The following AKAP13 variants were observed in gnomAD, a reference collection of about 807,000 sequenced individuals.
AKAP13 encodes the protein A-kinase anchor protein 13.
AKAP13 carries 80 observed loss-of-function variants against 264.5 expected under a neutral mutation model. The observed-to-expected ratio is 0.30, with a 90% CI of 0.25 to 0.36. AKAP13 has a LOEUF of 0.36. Ranked by LOEUF, AKAP13 falls within the 10% of genes least tolerant of loss-of-function variation. The pLI is 1.00. For missense variants in AKAP13, 3,712 were observed against 3,435.2 expected (o/e 1.08, Z -2.01); for synonymous variants, 1,380 against 1,250.2 (o/e 1.10, Z -2.19).
chr15:85,563,005 C>T (rs959911731), intron 5 of AKAP13, among the ~76,000 whole-genome samples: 4 of 151,868 alleles, frequency 2.6e-5, no homozygotes, highest in Non-Finnish European at 4.4e-5. Flanking sequence ...TGAGCCACTG[C>T]ACCTGGCCCC....
rs2076822203 is a variant in AKAP13, at chr15:85,521,524, T to C, written c.130T>C (p.Cys44Arg). The change falls in exon 3 of 37, where the codon TGT (cysteine) becomes CGT (arginine). Residue 44 changes from cysteine (C) to arginine (R), a missense_variant. By Grantham distance (180) the Cys-to-Arg change is radical. Coordinates refer to ENST00000394518, the MANE Select transcript of AKAP13 (RefSeq NM_007200.5). ...LVFLGSTLRH[C>R]TSTRKVSSDT... The stretch of plus-strand genomic sequence containing the variant: ...ATTTTTGGGTTCCACCCTCCGTCAC[T>C]GTACAAGTACTCGGAAGGTCAGTTC... 1.2e-6 allele frequency: 2 copies of C among 1,614,244 alleles called. No individual in the cohort carries two copies. Among genetic ancestry groups the C allele is most frequent in the Non-Finnish European group, 1.7e-6 (2 of 1,180,036 alleles).
intron 1 of AKAP13, among the ~76,000 whole-genome samples, chr15:85,430,616 G>A (rs1312780752): frequency 6.6e-6 from 1 of 152,308 alleles, no homozygotes; most frequent in East Asian, 1.9e-4. Flanking sequence ...TGTGGTTGGA[G>A]TGATACTGTG....
chr15:85,737,726 G>A (rs1395457456), intron 33 of AKAP13, among the ~76,000 whole-genome samples: 3 of 151,962 alleles, frequency 2.0e-5, no homozygotes, highest in African/African-American at 7.3e-5. Context: ...CAGCTTCCAC[G>A]TCCCAGGTTC....
chr15:85,465,748 A>G (rs1406149571), intron 1 of AKAP13, among the ~76,000 whole-genome samples: 2 of 150,854 alleles, frequency 1.3e-5, no homozygotes, highest in East Asian at 1.9e-4. Flanking sequence ...AATCCAGTCT[A>G]TCATTGTTGG....
At chr15:85,532,602 G>A (rs1435857697) in intron 3 of AKAP13, among the ~76,000 whole-genome samples, 1 of 152,216 alleles carries the variant, frequency 6.6e-6, no homozygotes, top group South Asian at 2.1e-4. Context: ...GCATAGTTCT[G>A]GCTATTTGAG....
At chr15:85,398,074 G>GACA (rs1049603495) in intron 1 of AKAP13, among the ~76,000 whole-genome samples, 3 of 152,152 alleles carry the variant, frequency 2.0e-5, no homozygotes, top group African/African-American at 7.2e-5. Flanking sequence ...GTTCATACTT[G>GACA]AACATGGATC....
chr15:85,594,531 T>C (rs370825491), intron 8 of AKAP13, among the ~76,000 whole-genome samples: 2 of 152,238 alleles, frequency 1.3e-5, no homozygotes, highest in Non-Finnish European at 2.9e-5. Context: ...ATCAGAAATA[T>C]AGGCTTGGGC....
chr15:85,716,916 G>T (rs1021042945), intron 20 of AKAP13, among the ~76,000 whole-genome samples: 1 of 152,218 alleles, frequency 6.6e-6, no homozygotes, highest in African/African-American at 2.4e-5. Context: ...ATAGTTGATT[G>T]TAAGTGCTAG....
At chr15:85,428,320 C>T (rs375578659) in intron 1 of AKAP13, among the ~76,000 whole-genome samples, 1 of 152,338 alleles carries the variant, frequency 6.6e-6, no homozygotes, top group East Asian at 1.9e-4. Context: ...CTGCCTCAGC[C>T]TCCCAAGCAG....
chr15:85,697,523 C>T (rs567417000), intron 17 of AKAP13, among the ~76,000 whole-genome samples: 40 of 152,010 alleles, frequency 2.6e-4, no homozygotes, highest in Non-Finnish European at 5.1e-4. Context: ...GAGCTGAGGT[C>T]GCGCCACTGC....
rs79632669 is a variant in AKAP13, at chr15:85,722,766, T to TA, written c.6497-293dup. Among the ~76,000 whole-genome samples the TA allele has an allele frequency of 4.0e-3, 579 of 143,376 alleles. 1 individual carries two copies. The highest frequency in any genetic ancestry group is 5.1e-3 in the Admixed American group (74 of 14,378). The allele number at this position is 143,376 out of a possible 152,430, so 94.1% of individuals were successfully genotyped here. On this transcript the variant is annotated intron_variant, in intron 25 of 36. Coordinates refer to ENST00000394518, the MANE Select transcript of AKAP13 (RefSeq NM_007200.5). ...TACATTAAAAATTAAGTAAAACAAA[T>TA]AAAAAAAAAAAAACTTGGTTGCTCT...
rs990838398 is a variant in AKAP13, at chr15:85,575,465, G to A, written c.861+136G>A. 44 of 839,202 alleles carry A rather than the reference G, an allele frequency of 5.2e-5. 1 individual carries two copies. The highest frequency in any genetic ancestry group is 8.7e-5 in the Admixed American group (4 of 45,728). The allele number at this position is 839,202 out of a possible 1,614,324, so 52.0% of individuals were successfully genotyped here. On this transcript the variant is annotated intron_variant, in intron 6 of 36. Transcript: ENST00000394518. ...TGCTTTCCTGGTGGGAGGCTGAGACGGGCGGATCACGAGGTCAGGAGATGG... is the reference window on the plus strand; with the variant it reads ...TGCTTTCCTGGTGGGAGGCTGAGACAGGCGGATCACGAGGTCAGGAGATGG...
rs1319816342 is a variant in AKAP13, at chr15:85,579,543, C to A, written c.1475C>A (p.Thr492Asn). The A allele has an allele frequency of 1.2e-6, 2 of 1,614,058 alleles. No individual in the cohort carries two copies. Among genetic ancestry groups the A allele is most frequent in the Non-Finnish European group, 1.7e-6 (2 of 1,180,042 alleles). Residue 492 changes from threonine (T) to asparagine (N), a missense_variant, in exon 7 of 37, where the codon ACT (threonine) becomes AAT (asparagine). Thr to Asn is a moderately conservative substitution (Grantham distance 65, BLOSUM62 0). This residue lies in a region of AKAP13 where 2,759 missense variants were observed against 2,411.7 expected (regional missense o/e 1.14). Coordinates refer to ENST00000394518, the MANE Select transcript of AKAP13 (RefSeq NM_007200.5). ...CATGGGCTCATGAACCCAGATGCCA[C>A]TGTTTGGAAGAATGTGCTTCAGGGA... ...MEHGLMNPDA[T>N]VWKNVLQGGE...
At chr15:85,443,450 T>G (rs1216538724) in intron 1 of AKAP13, among the ~76,000 whole-genome samples, 1 of 152,196 alleles carries the variant, frequency 6.6e-6, no homozygotes, top group Non-Finnish European at 1.5e-5. Flanking sequence ...TTTCTTCATC[T>G]GTAAAATGAA....
intron 5 of AKAP13, among the ~76,000 whole-genome samples, chr15:85,567,648 T>C (rs1451475977): frequency 2.0e-5 from 3 of 152,212 alleles, no homozygotes; most frequent in African/African-American, 7.2e-5. Context: ...CACATTCCTC[T>C]TCTGTGTGCA....
In AKAP13 at chr15:85,407,581, G is replaced by C. The variant is rs567944678; in HGVS notation, c.-12+26783G>C. 9.9e-5 allele frequency among the ~76,000 whole-genome samples: 15 copies of C among 151,678 alleles called. 1 individual carries two copies. Among genetic ancestry groups the C allele is most frequent in the African/African-American group, 3.7e-4 (15 of 41,020 alleles). On this transcript the variant is annotated intron_variant, in intron 1 of 36. Coordinates refer to ENST00000394518, the MANE Select transcript of AKAP13 (RefSeq NM_007200.5). ...GCATGAGTAGGAATTTGCCAGGCCT[G>C]GGTTGAGGAGAGAAAGAATGGAATG... is the stretch of plus-strand genomic sequence containing the variant.
At chr15:85,655,004 C>T (rs556385921) in intron 10 of AKAP13, among the ~76,000 whole-genome samples, 15 of 152,180 alleles carry the variant, frequency 9.9e-5, no homozygotes, top group Admixed American at 7.8e-4. Flanking sequence ...CCAGCCTGGC[C>T]AGCATGGTGA....
At chr15:85,453,414 T>A (rs187665537) in intron 1 of AKAP13, among the ~76,000 whole-genome samples, 1 of 152,336 alleles carries the variant, frequency 6.6e-6, no homozygotes, top group East Asian at 1.9e-4. Flanking sequence ...CAGCAGTCCC[T>A]GGTCACCTCA....
chr15:85,707,953 G>A lies in AKAP13; in HGVS notation c.5465-66G>A, dbSNP rs1597131516. On this transcript the variant is annotated intron_variant, in intron 17 of 36. Coordinates refer to ENST00000394518, the MANE Select transcript of AKAP13 (RefSeq NM_007200.5). ...AATTCAGAGGCCACTTGTGGCAGCA[G>A]TGGAAACTCAGAATCTGGGATCTGT... The A allele has an allele frequency of 1.4e-5, 22 of 1,548,538 alleles. No individual in the cohort carries two copies. In the East Asian group the frequency reaches 4.7e-4, roughly 33 times the overall value.
Sources: allele counts gnomAD v4.1 joint callset (sites outside exome capture counted in the v4.1 genomes callset), GRCh38; gene constraint gnomAD v4.1.1; regional missense constraint gnomAD v4.1.1; transcripts MANE v1.5; gene names NCBI Gene and HGNC (gene_info 2026-07-23, HGNC 2026-07-21).